Variants in TANC1 observed in about 807,000 individuals in gnomAD.
The protein encoded by TANC1 is tetratricopeptide repeat, ankyrin repeat and coiled-coil containing 1.
In TANC1, 77 loss-of-function variants were observed where a neutral mutation model predicts 149.7. The observed-to-expected ratio is 0.51, with a 90% CI of 0.43 to 0.62. The LOEUF is 0.62. TANC1 is among the 20% of genes least tolerant of loss of function. The probability of loss-of-function intolerance (pLI) is 0.00; values close to 1 mark genes in which losing one functional copy is unlikely to be tolerated. For synonymous variants in TANC1, 854 were observed against 925.0 expected, an observed-to-expected ratio of 0.92 and a Z score of 1.39; for missense variants, 1,985 against 2,321.8, an observed-to-expected ratio of 0.85 and a Z score of 2.98.
chr2:159,175,132 G>C lies in TANC1; in HGVS notation c.1683G>C (p.Pro561=). 1 of 1,614,136 alleles carries C rather than the reference G, an allele frequency of 6.2e-7. No individual in the cohort carries two copies. Among genetic ancestry groups the C allele is most frequent in the Non-Finnish European group, 8.5e-7 (1 of 1,180,014 alleles). ...GCCTCCGATCCTGTGTGCAGGACCCGGTGGCAGCTTTCAAGAGGGGAGTGC... is the reference window on the plus strand; with the variant it reads ...GCCTCCGATCCTGTGTGCAGGACCCCGTGGCAGCTTTCAAGAGGGGAGTGC... The part of the protein sequence containing the change: ...MLSLRSCVQD[P]VAAFKRGVLE... The change falls in exon 12 of 27, where the codon CCG becomes CCC. Residue 561 remains proline (P), a synonymous_variant. Coordinates refer to ENST00000263635, the MANE Select transcript of TANC1 (RefSeq NM_033394.3).
At chr2:158,975,576 T>C (rs1464798773) in intron 1 of TANC1, among the ~76,000 whole-genome samples, 1 of 151,152 alleles carries the variant, frequency 6.6e-6, no homozygotes, top group Non-Finnish European at 1.5e-5. Flanking sequence ...ACAATTACTT[T>C]TTTTTTTTTT....
intron 22 of TANC1, among the ~76,000 whole-genome samples, chr2:159,220,877 CG>C (rs1448445348): frequency 2.0e-5 from 3 of 152,060 alleles, no homozygotes; most frequent in Non-Finnish European, 2.9e-5. Context: ...CCACCATGCC[CG>C]GACAAAGTTT....
intron 3 of TANC1, among the ~76,000 whole-genome samples, chr2:159,081,669 T>C (rs2044286278): frequency 1.3e-5 from 2 of 152,240 alleles, no homozygotes; most frequent in Admixed American, 1.3e-4. Flanking sequence ...GTCTGTAACT[T>C]TGCTTATATG....
At chr2:159,209,804 G>C (rs188167732) in intron 19 of TANC1, among the ~76,000 whole-genome samples, 1 of 152,146 alleles carries the variant, frequency 6.6e-6, no homozygotes, top group Non-Finnish European at 1.5e-5. Context: ...TGTGGCCATC[G>C]GGCCTGCCAC....
chr2:159,192,987 C>T (rs1041316022), intron 16 of TANC1, among the ~76,000 whole-genome samples: 8 of 152,176 alleles, frequency 5.3e-5, no homozygotes, highest in Non-Finnish European at 1.0e-4. Context: ...GGTTAAGAAA[C>T]ACATAAAAGG....
At chr2:159,055,842 G>A (rs1202067690) in intron 2 of TANC1, among the ~76,000 whole-genome samples, 1 of 152,178 alleles carries the variant, frequency 6.6e-6, no homozygotes, top group Non-Finnish European at 1.5e-5. Flanking sequence ...TTGGGGCTGA[G>A]AGTCAGAGAA....
At chr2:159,036,830 G>C (rs551408992) in intron 2 of TANC1, among the ~76,000 whole-genome samples, 1 of 152,344 alleles carries the variant, frequency 6.6e-6, no homozygotes, top group African/African-American at 2.4e-5. Flanking sequence ...ACATGTGCAT[G>C]TGTCTTTATA....
At chr2:159,044,052 T>C (rs1429209895) in intron 2 of TANC1, among the ~76,000 whole-genome samples, 1 of 152,224 alleles carries the variant, frequency 6.6e-6, no homozygotes, top group Non-Finnish European at 1.5e-5. Context: ...GAGGATTTTC[T>C]AGTTGTGTGG....
At position 159,149,301 on chromosome 2, in the gene TANC1, A is replaced by T. The variant is rs767322189; in HGVS notation, c.495+29A>T. The T allele has an allele frequency of 1.9e-6, 3 of 1,613,914 alleles. No homozygotes were observed. The South Asian group carries it at 3.3e-5, about 18-fold the overall frequency. On this transcript the variant is annotated intron_variant, in intron 6 of 26. Transcript: ENST00000263635. ...ATGCCCGAGGAAGACACTACATTGC[A>T]TACCTCTTCAGAGGATGAACGAAGC...
At chr2:159,154,374 A>G (rs2150345281) in intron 7 of TANC1, among the ~76,000 whole-genome samples, 1 of 152,350 alleles carries the variant, frequency 6.6e-6, no homozygotes, top group African/African-American at 2.4e-5. Context: ...GTGTTCCCAC[A>G]TGCCCAGGCA....
In TANC1 at chr2:159,232,091, A is replaced by T. The variant is rs981408175; in HGVS notation, c.*1079A>T. 2 of 152,658 alleles carry T rather than the reference A, an allele frequency of 1.3e-5. No homozygotes were observed. Among genetic ancestry groups the T allele is most frequent in the African/African-American group, 4.8e-5 (2 of 41,464 alleles). 9.5% of individuals were successfully genotyped at this position (152,658 alleles called of 1,614,324 possible). A position where few individuals can be genotyped will look rare whatever the true frequency, so the allele number is the denominator to read the frequency against. ...TCATCCATGCTGGTTATTGCACTGA[A>T]TGATATATTATTAGGGCATGTTAAC... On this transcript the variant is annotated 3_prime_UTR_variant, in exon 27 of 27. Coordinates refer to ENST00000263635, the MANE Select transcript of TANC1 (RefSeq NM_033394.3).
chr2:159,192,553 C>T (rs142081482), intron 16 of TANC1, among the ~76,000 whole-genome samples: 5 of 152,240 alleles, frequency 3.3e-5, no homozygotes, highest in East Asian at 1.9e-4. Context: ...TCAATATCAA[C>T]GAGGAACTTA....
At chr2:159,091,075 G>GT (rs1189018989) in intron 3 of TANC1, among the ~76,000 whole-genome samples, 1 of 151,916 alleles carries the variant, frequency 6.6e-6, no homozygotes, top group African/African-American at 2.4e-5. Context: ...AGTACTGTGC[G>GT]TAGACCTACA....
chr2:159,143,062 C>CAAAA (rs70994269), intron 5 of TANC1, among the ~76,000 whole-genome samples: 2 of 87,354 alleles, frequency 2.3e-5, no homozygotes, highest in African/African-American at 1.1e-4. Context: ...GACTCTGTCT[C>CAAAA]AAAAAAAAAA....
chr2:159,228,436 T>TA (rs397739136), intron 25 of TANC1: 11 of 272,846 alleles, frequency 4.0e-5, no homozygotes, highest in Non-Finnish European at 7.0e-5. Flanking sequence ...ACCTTTTTTT[T>TA]AACTGTGTCC....
chr2:159,131,022 T>TA (rs35227963), intron 4 of TANC1, among the ~76,000 whole-genome samples: 69,104 of 151,650 alleles, frequency 0.46, 15,743 homozygotes, highest in East Asian at 0.47. Flanking sequence ...TTTCTTGGGG[T>TA]GGGGGGTCCC....
chr2:159,148,450 A>G (rs2052389403), intron 5 of TANC1: 1 of 152,276 alleles, frequency 6.6e-6, no homozygotes, highest in Admixed American at 6.5e-5. Flanking sequence ...CTTTCCCAGC[A>G]TTGCTGTGCA....
At chr2:159,212,316 A>AG (rs973351726) in intron 19 of TANC1, among the ~76,000 whole-genome samples, 4 of 152,078 alleles carry the variant, frequency 2.6e-5, no homozygotes, top group African/African-American at 9.7e-5. Context: ...AGGAAGAGGG[A>AG]GTTGTTCCTT....
At chr2:159,090,309 G>A (rs1250654272) in intron 3 of TANC1, among the ~76,000 whole-genome samples, 1 of 152,194 alleles carries the variant, frequency 6.6e-6, no homozygotes, top group African/African-American at 2.4e-5. Context: ...GCATTACTTA[G>A]TACAGTAGGC....
Sources: allele counts gnomAD v4.1 joint callset (sites outside exome capture counted in the v4.1 genomes callset), GRCh38; gene constraint gnomAD v4.1.1; transcripts MANE v1.5; gene names NCBI Gene and HGNC (gene_info 2026-07-23, HGNC 2026-07-21).